SORCS1: variants seen among roughly 807,000 people sequenced by gnomAD.
SORCS1 encodes VPS10 domain-containing receptor SorCS1.
Under a neutral mutation model 146.1 loss-of-function variants are expected in SORCS1, and 60 were observed. The observed-to-expected ratio is 0.41, with a 90% CI of 0.33 to 0.51. SORCS1 has a LOEUF of 0.51. Among genes scored for constraint, SORCS1 ranks in the 20% least tolerant of loss-of-function variants. SORCS1 has a pLI of 0.21. For synonymous variants in SORCS1, 637 were observed against 584.0 expected (o/e 1.09, Z -1.31); for missense variants, 1,352 against 1,487.6 (o/e 0.91, Z 1.50).
intron 1 of SORCS1, among the ~76,000 whole-genome samples, chr10:106,968,087 G>A (rs893514106): frequency 6.6e-6 from 1 of 151,826 alleles, no homozygotes; most frequent in Non-Finnish European, 1.5e-5. Flanking sequence ...GCGGGTGCCT[G>A]TAGTCCCAGT....
At chr10:106,868,891 T>C (rs1950311181) in intron 2 of SORCS1, among the ~76,000 whole-genome samples, 1 of 152,032 alleles carries the variant, frequency 6.6e-6, no homozygotes, top group African/African-American at 2.4e-5. Flanking sequence ...AAAAGATCAA[T>C]GAGTCCAGGA....
intron 24 of SORCS1, among the ~76,000 whole-genome samples, chr10:106,587,598 A>G (rs1467321703): frequency 2.6e-5 from 4 of 152,282 alleles, no homozygotes; most frequent in Admixed American, 2.6e-4. Flanking sequence ...ATCCAGTGGT[A>G]GCAACTGAAG....
intron 2 of SORCS1, among the ~76,000 whole-genome samples, chr10:106,839,861 G>A (rs1948947604): frequency 6.6e-6 from 1 of 152,280 alleles, no homozygotes; most frequent in Non-Finnish European, 1.5e-5. Flanking sequence ...TATACATGCA[G>A]CAATGAAGTC....
At chr10:106,726,701 G>C (rs1319743314) in intron 6 of SORCS1, among the ~76,000 whole-genome samples, 1 of 152,106 alleles carries the variant, frequency 6.6e-6, no homozygotes, top group Non-Finnish European at 1.5e-5. Context: ...AGACCCTCAA[G>C]CTCTTTCACT....
At chr10:106,739,590 C>T (rs559770435) in intron 5 of SORCS1, among the ~76,000 whole-genome samples, 2 of 151,994 alleles carry the variant, frequency 1.3e-5, no homozygotes, top group South Asian at 2.1e-4. Context: ...AGGTGGATCA[C>T]GAGGTCAGAA....
chr10:107,089,005 T>A (rs1247990131), intron 1 of SORCS1, among the ~76,000 whole-genome samples: 6 of 152,174 alleles, frequency 3.9e-5, no homozygotes, highest in Admixed American at 1.3e-4. Flanking sequence ...TTAATCTAAT[T>A]CAAATTACCA....
intron 16 of SORCS1, among the ~76,000 whole-genome samples, chr10:106,668,984 C>T (rs1335674918): frequency 6.6e-6 from 1 of 152,226 alleles, no homozygotes; most frequent in East Asian, 1.9e-4. Flanking sequence ...GATGAGCCTT[C>T]CCAAATATTT....
chr10:106,972,778 G>A (rs565304394), intron 1 of SORCS1, among the ~76,000 whole-genome samples: 263 of 152,306 alleles, frequency 1.7e-3, no homozygotes, highest in African/African-American at 6.0e-3. Flanking sequence ...GCTAGATGCA[G>A]GTAGGGACCT....
intron 1 of SORCS1, among the ~76,000 whole-genome samples, chr10:107,044,882 G>C (rs148212767): frequency 6.6e-6 from 1 of 150,850 alleles, no homozygotes; most frequent in Non-Finnish European, 1.5e-5. Context: ...TGCTGCATCA[G>C]ATAGATGGAA....
intron 3 of SORCS1, among the ~76,000 whole-genome samples, chr10:106,826,324 G>A (rs577010907): frequency 4.5e-4 from 68 of 152,344 alleles, no homozygotes; most frequent in Non-Finnish European, 8.5e-4. Context: ...ATTTTGACTT[G>A]CTAGATAGCA....
At chr10:106,790,207 G>A (rs908633631) in intron 3 of SORCS1, among the ~76,000 whole-genome samples, 5 of 152,128 alleles carry the variant, frequency 3.3e-5, no homozygotes, top group Non-Finnish European at 5.9e-5. Context: ...TCAGAGATTT[G>A]TTCTAGGTCC....
intron 1 of SORCS1, among the ~76,000 whole-genome samples, chr10:107,014,374 C>T (rs111728693): frequency 1.1e-4 from 16 of 151,826 alleles, no homozygotes; most frequent in African/African-American, 3.6e-4. Context: ...CTTAGTGTTG[C>T]AGGGCATCAG....
chr10:106,763,287 C>G (rs1014533665), intron 4 of SORCS1, among the ~76,000 whole-genome samples: 1 of 152,050 alleles, frequency 6.6e-6, no homozygotes, highest in Non-Finnish European at 1.5e-5. Context: ...AATTGTTGGG[C>G]GCCAGCGTTT....
At chr10:106,775,268 C>T (rs573364404) in intron 4 of SORCS1, among the ~76,000 whole-genome samples, 6 of 152,194 alleles carry the variant, frequency 3.9e-5, no homozygotes, top group South Asian at 2.1e-4. Context: ...GGTCAGGCTT[C>T]GCCTCTGTTA....
intron 21 of SORCS1, among the ~76,000 whole-genome samples, chr10:106,616,076 C>A (rs1467446394): frequency 6.6e-6 from 1 of 152,168 alleles, no homozygotes; most frequent in East Asian, 1.9e-4. Flanking sequence ...TCACCACCAC[C>A]ATCGTTATGA....
intron 2 of SORCS1, among the ~76,000 whole-genome samples, chr10:106,877,148 G>T (rs1002112968): frequency 6.6e-6 from 1 of 152,042 alleles, no homozygotes; most frequent in African/African-American, 2.4e-5. Context: ...CTTTTCTTTT[G>T]CCACAGCTTG....
intron 8 of SORCS1, 128 bp from the exon 9 acceptor site, chr10:106,699,521 TTGCATATATAAG>T: frequency 1.4e-6 from 1 of 724,642 alleles, no homozygotes; most frequent in Non-Finnish European, 2.1e-6. Flanking sequence ...TAGCTTCCTT[TTGCATATATAAG>T]AAATAATAGT....
chr10:106,938,549 A>T (rs1953869645), intron 2 of SORCS1, among the ~76,000 whole-genome samples: 1 of 152,224 alleles, frequency 6.6e-6, no homozygotes, highest in Non-Finnish European at 1.5e-5. Context: ...TGCAGTCCAG[A>T]CAGTAGCTGA....
chr10:106,878,506 C>A (rs1172103772), intron 2 of SORCS1, among the ~76,000 whole-genome samples: 1 of 150,806 alleles, frequency 6.6e-6, no homozygotes, highest in Non-Finnish European at 1.5e-5. Context: ...GTGAGGATAT[C>A]ATCTATGAAC....
Sources: gnomAD v4.1 joint callset for allele counts (sites outside exome capture counted in the v4.1 genomes callset) on GRCh38, gnomAD v4.1.1 for gene constraint, MANE v1.5 for transcripts, NCBI Gene and HGNC (gene_info 2026-07-23, HGNC 2026-07-21) for gene names.